Variants in LDAH observed in about 807,000 individuals in gnomAD.
LDAH encodes the protein lipid droplet-associated hydrolase.
LDAH carries 26 observed loss-of-function variants against 29.6 expected under a neutral mutation model. The ratio of observed to expected loss-of-function variants is 0.88; its 90% CI spans 0.64 to 1.22. LDAH has a LOEUF of 1.22. LDAH is among the 50% of genes most tolerant of loss of function. The probability of loss-of-function intolerance (pLI) is 0.00; values close to 1 mark genes in which losing one functional copy is unlikely to be tolerated. For missense variants in LDAH, 344 were observed against 387.3 expected, an observed-to-expected ratio of 0.89 and a Z score of 0.94; for synonymous variants, 117 against 133.0, an observed-to-expected ratio of 0.88 and a Z score of 0.83.
At chr2:20,788,857 A>C (rs1000531052) in intron 3 of LDAH, 3 of 319,370 alleles carry the variant, frequency 9.4e-6, no homozygotes, top group African/African-American at 6.6e-5. Flanking sequence ...ACTTATATTT[A>C]AGTTATTTTT....
At chr2:20,813,220 A>C (rs897584063) in intron 1 of LDAH, among the ~76,000 whole-genome samples, 10 of 152,242 alleles carry the variant, frequency 6.6e-5, no homozygotes, top group East Asian at 3.9e-4. Flanking sequence ...TACCATCCAT[A>C]TCTCTCCCAA....
rs117573179 is a variant in LDAH, at chr2:20,802,507, C to G, written c.-2-1042G>C. On this transcript the variant is annotated intron_variant, in intron 1 of 6. Transcript: ENST00000237822. The stretch of plus-strand genomic sequence containing the variant: ...GGTCCCAATTATTTCTATCACTCCT[C>G]CACCTCTGCCTCTGCCTTCCTCATC... Among the ~76,000 whole-genome samples, 166 of 152,322 alleles carry G rather than the reference C, an allele frequency of 1.1e-3. 1 individual carries two copies. The highest frequency in any genetic ancestry group is 7.9e-3 in the Admixed American group (121 of 15,302).
rs201090435 is a variant in LDAH at position 20,726,927 on chromosome 2, C to T, written c.703+13044G>A. ...TTTAGAAAAAATAAGATATTCATTG[C>T]GCTATTAACTTCTAAACCAGAGATT... On this transcript the variant is annotated intron_variant, in intron 5 of 6. Transcript: ENST00000237822. Among the ~76,000 whole-genome samples, 16 of 152,212 alleles carry T rather than the reference C, an allele frequency of 1.1e-4. No individual in the cohort carries two copies. The East Asian group carries it at 2.3e-3, about 22-fold the overall frequency.
intron 6 of LDAH, among the ~76,000 whole-genome samples, chr2:20,700,585 C>T (rs1189786631): frequency 1.3e-5 from 2 of 151,948 alleles, no homozygotes; most frequent in Non-Finnish European, 2.9e-5. Context: ...TGCCACTCAG[C>T]AGGGATCATT....
chr2:20,718,065 C>T (rs1665351099), intron 5 of LDAH, among the ~76,000 whole-genome samples: 1 of 152,016 alleles, frequency 6.6e-6, no homozygotes, highest in South Asian at 2.1e-4. Flanking sequence ...AACACACTAC[C>T]AGAGAAAATC....
intron 2 of LDAH, among the ~76,000 whole-genome samples, chr2:20,797,354 C>T (rs1281436744): frequency 6.6e-6 from 1 of 152,164 alleles, no homozygotes; most frequent in Non-Finnish European, 1.5e-5. Context: ...AGACAGGTTT[C>T]CACTCTTCAA....
intron 3 of LDAH, chr2:20,788,867 T>C: frequency 2.9e-6 from 1 of 340,516 alleles, no homozygotes; most frequent in Non-Finnish European, 5.4e-6. Context: ...AAGTTATTTT[T>C]TCTCTCATTT....
chr2:20,693,056 T>C (rs1238682326), intron 6 of LDAH, among the ~76,000 whole-genome samples: 1 of 152,176 alleles, frequency 6.6e-6, no homozygotes, highest in Non-Finnish European at 1.5e-5. Context: ...GGTTCTGCCA[T>C]TTATTGGTGC....
At chr2:20,713,799 G>A (rs1180168316) in intron 5 of LDAH, among the ~76,000 whole-genome samples, 3 of 152,036 alleles carry the variant, frequency 2.0e-5, no homozygotes, top group Non-Finnish European at 4.4e-5. Flanking sequence ...ATTACGTAAC[G>A]GTAAATGGAT....
At chr2:20,725,133 C>T (rs778711065) in intron 5 of LDAH, among the ~76,000 whole-genome samples, 71 of 152,102 alleles carry the variant, frequency 4.7e-4, no homozygotes, top group Non-Finnish European at 9.6e-4. Context: ...TATACCACCA[C>T]GTTTACAAGG....
chr2:20,742,296 G>C (rs1036519904), intron 4 of LDAH, among the ~76,000 whole-genome samples: 22 of 152,298 alleles, frequency 1.4e-4, no homozygotes, highest in Non-Finnish European at 1.9e-4. Context: ...GTAGTCTATA[G>C]ACGTCAATTA....
rs561342727 is a variant in LDAH at position 20,800,758 on chromosome 2, C to T, written c.154+552G>A. ...AATCAATTCTCCTGCCTCAGCCTCC[C>T]GAGTAGCTGGGACTATAGGCATGTG... is the stretch of plus-strand genomic sequence containing the variant. On this transcript the variant is annotated intron_variant, in intron 2 of 6. Transcript: ENST00000237822. Among the ~76,000 whole-genome samples the T allele has an allele frequency of 1.2e-3, 187 of 152,154 alleles. 2 individuals carry two copies. Among genetic ancestry groups the T allele is most frequent in the African/African-American group, 4.3e-3 (180 of 41,518 alleles).
rs1362301507 is a variant in LDAH, at chr2:20,716,720, G to GTATATATATATATA, written c.704-15069_704-15068insTATATATATATATA. On this transcript the variant is annotated intron_variant, in intron 5 of 6. Coordinates refer to ENST00000237822, the MANE Select transcript of LDAH (RefSeq NM_021925.4). ...GTGTAGATGTACCCTAGAACTTTAA[G>GTATATATATATATA]TATATATACATATATATATATATAT... Among the ~76,000 whole-genome samples, 454 of 131,220 alleles carry GTATATATATATATA rather than the reference G, an allele frequency of 3.5e-3. 26 individuals carry two copies. The highest frequency in any genetic ancestry group is 8.6e-3 in the South Asian group (34 of 3,942). The allele number at this position is 131,220 out of a possible 152,430, so 86.1% of individuals were successfully genotyped here.
At chr2:20,749,430 T>C (rs1472071695) in intron 4 of LDAH, among the ~76,000 whole-genome samples, 1 of 152,190 alleles carries the variant, frequency 6.6e-6, no homozygotes, top group Non-Finnish European at 1.5e-5. Context: ...TTCCATATAC[T>C]AAAATGCCAT....
At chr2:20,744,258 T>C (rs903531860) in intron 4 of LDAH, among the ~76,000 whole-genome samples, 2 of 149,374 alleles carry the variant, frequency 1.3e-5, no homozygotes, top group Admixed American at 6.7e-5. Context: ...TTGGTATGCC[T>C]GGTAATTTTT....
At chr2:20,716,508 A>G (rs1478145440) in intron 5 of LDAH, among the ~76,000 whole-genome samples, 1 of 143,052 alleles carries the variant, frequency 7.0e-6, no homozygotes, top group Non-Finnish European at 1.5e-5. Flanking sequence ...GTTCTCACTC[A>G]TAGGTGGGAA....
At chr2:20,687,424 G>C (rs982829366) in intron 6 of LDAH, among the ~76,000 whole-genome samples, 1 of 152,244 alleles carries the variant, frequency 6.6e-6, no homozygotes, top group Non-Finnish European at 1.5e-5. Flanking sequence ...GGATGACGAA[G>C]ACAGTTATTG....
intron 5 of LDAH, among the ~76,000 whole-genome samples, chr2:20,725,880 C>T (rs1016310090): frequency 2.0e-5 from 3 of 152,084 alleles, no homozygotes; most frequent in African/African-American, 7.2e-5. Flanking sequence ...AGATGATGAC[C>T]ACAAGGATAA....
chr2:20,697,002 C>T (rs945726999), intron 6 of LDAH, among the ~76,000 whole-genome samples: 30 of 152,178 alleles, frequency 2.0e-4, no homozygotes, highest in African/African-American at 6.8e-4. Context: ...CTTTAGGCTG[C>T]TATTACCCAT....
Sources: allele counts gnomAD v4.1 joint callset (sites outside exome capture counted in the v4.1 genomes callset), GRCh38; gene constraint gnomAD v4.1.1; transcripts MANE v1.5; gene names NCBI Gene and HGNC (gene_info 2026-07-23, HGNC 2026-07-21).